Variants in GALNT17 observed in about 807,000 individuals in gnomAD.
GALNT17 encodes UDP-GalNAc:polypeptide N-acetylgalactosaminyltransferase-like 3.
GALNT17 carries 29 observed loss-of-function variants against 63.7 expected under a neutral mutation model. That is an observed-to-expected ratio of 0.46 (90% confidence interval 0.34 to 0.62). The LOEUF is 0.62. GALNT17 is among the 20% of genes least tolerant of loss of function. GALNT17 has a pLI of 0.01. For synonymous variants in GALNT17, 305 were observed against 318.3 expected (o/e 0.96, Z 0.45); for missense variants, 603 against 799.6 (o/e 0.75, Z 2.97).
At chr7:71,447,567 A>G (rs535206323) in intron 5 of GALNT17, among the ~76,000 whole-genome samples, 2 of 152,182 alleles carry the variant, frequency 1.3e-5, no homozygotes, top group Admixed American at 6.5e-5. Context: ...CTTGACCTAC[A>G]CCAGTTCATA....
intron 6 of GALNT17, among the ~76,000 whole-genome samples, chr7:71,596,603 C>T (rs1036756608): frequency 2.6e-5 from 4 of 151,926 alleles, no homozygotes; most frequent in Admixed American, 2.0e-4. Flanking sequence ...TGAAGATGAG[C>T]AGGTTTGTGG....
chr7:71,462,934 C>G (rs1311131093), intron 5 of GALNT17, among the ~76,000 whole-genome samples: 1 of 152,154 alleles, frequency 6.6e-6, no homozygotes, highest in Admixed American at 6.5e-5. Flanking sequence ...TGCTGGATCC[C>G]TATGGCAAGT....
chr7:71,530,333 AACAC>A (rs144905630), intron 5 of GALNT17, among the ~76,000 whole-genome samples: 2 of 151,552 alleles, frequency 1.3e-5, no homozygotes, highest in Non-Finnish European at 2.9e-5. Flanking sequence ...GCAACGCAAC[AACAC>A]ACACACACAC....
chr7:71,536,890 C>T (rs537428454), intron 5 of GALNT17, among the ~76,000 whole-genome samples: 5 of 152,306 alleles, frequency 3.3e-5, no homozygotes, highest in Admixed American at 6.5e-5. Flanking sequence ...TCTGATGCCA[C>T]ATAGTTAACC....
intron 3 of GALNT17, among the ~76,000 whole-genome samples, chr7:71,394,618 T>C (rs1252073344): frequency 3.3e-5 from 5 of 152,152 alleles, no homozygotes; most frequent in African/African-American, 7.2e-5. Context: ...TGTAGCTCCA[T>C]TGGTCCAATG....
At chr7:71,162,171 G>T (rs1479164072) in intron 1 of GALNT17, among the ~76,000 whole-genome samples, 1 of 67,288 alleles carries the variant, frequency 1.5e-5, no homozygotes, top group African/African-American at 7.5e-5. Context: ...CTTCCTTCCT[G>T]TTGCTATGCC....
chr7:71,672,179 G>A (rs956635024), intron 8 of GALNT17, among the ~76,000 whole-genome samples: 5 of 152,102 alleles, frequency 3.3e-5, no homozygotes, highest in Non-Finnish European at 5.9e-5. Context: ...TCAAACAATG[G>A]GCAGTGAATG....
intron 5 of GALNT17, among the ~76,000 whole-genome samples, chr7:71,475,313 A>G (rs1787704637): frequency 6.6e-6 from 1 of 152,194 alleles, no homozygotes; most frequent in Non-Finnish European, 1.5e-5. Flanking sequence ...TGAAAGAATT[A>G]TACAACTCAC....
At chr7:71,214,074 G>T (rs1406798657) in intron 1 of GALNT17, among the ~76,000 whole-genome samples, 1 of 152,166 alleles carries the variant, frequency 6.6e-6, no homozygotes, top group East Asian at 1.9e-4. Flanking sequence ...ATCTGTGGTG[G>T]TATTGCTTCT....
chr7:71,257,270 A>G (rs1342678427), intron 1 of GALNT17, among the ~76,000 whole-genome samples: 1 of 152,168 alleles, frequency 6.6e-6, no homozygotes, highest in Admixed American at 6.5e-5. Context: ...AACTATTATT[A>G]AAAGGAATGA....
chr7:71,413,040 C>T (rs1793458237), intron 3 of GALNT17, among the ~76,000 whole-genome samples: 1 of 152,184 alleles, frequency 6.6e-6, no homozygotes, highest in Non-Finnish European at 1.5e-5. Context: ...AAGCTTCCAT[C>T]TGAAAAGGAA....
At chr7:71,173,037 T>C (rs1397588895) in intron 1 of GALNT17, among the ~76,000 whole-genome samples, 1 of 152,220 alleles carries the variant, frequency 6.6e-6, no homozygotes, top group African/African-American at 2.4e-5. Context: ...CTATCCTGAT[T>C]ATGATTGCTC....
At chr7:71,191,353 ATT>A (rs397736163) in intron 1 of GALNT17, among the ~76,000 whole-genome samples, 3 of 145,286 alleles carry the variant, frequency 2.1e-5, no homozygotes, top group Non-Finnish European at 3.0e-5. Flanking sequence ...TTCACTCAGC[ATT>A]TTTTTTTTTT....
At chr7:71,306,637 G>GT (rs1791303836) in intron 1 of GALNT17, among the ~76,000 whole-genome samples, 1 of 152,100 alleles carries the variant, frequency 6.6e-6, no homozygotes, top group Admixed American at 6.6e-5. Context: ...AATAATTGCT[G>GT]TTTTTGCCAT....
intron 5 of GALNT17, among the ~76,000 whole-genome samples, chr7:71,527,755 GTGTA>G (rs1189119943): frequency 5.9e-5 from 9 of 152,180 alleles, no homozygotes; most frequent in Non-Finnish European, 1.5e-5. Context: ...TGGCACGTGT[GTGTA>G]TGCGCACGCG....
intron 6 of GALNT17, among the ~76,000 whole-genome samples, chr7:71,577,432 C>T (rs186590899): frequency 9.7e-4 from 147 of 152,204 alleles, no homozygotes; most frequent in Middle Eastern, 3.4e-3. Flanking sequence ...CACAAACACA[C>T]GCACACACAC....
intron 6 of GALNT17, among the ~76,000 whole-genome samples, chr7:71,607,744 A>G (rs1382004350): frequency 6.6e-6 from 1 of 152,202 alleles, no homozygotes; most frequent in African/African-American, 2.4e-5. Flanking sequence ...GGAGAAAAAA[A>G]ACCCCACAGA....
intron 5 of GALNT17, among the ~76,000 whole-genome samples, chr7:71,541,706 A>G (rs1788896295): frequency 1.3e-5 from 2 of 152,150 alleles, no homozygotes; most frequent in Non-Finnish European, 2.9e-5. Context: ...CCTTTCCCTG[A>G]TTCCTAACAA....
intron 5 of GALNT17, among the ~76,000 whole-genome samples, chr7:71,544,457 G>A (rs993696358): frequency 3.3e-5 from 5 of 151,918 alleles, no homozygotes; most frequent in African/African-American, 9.7e-5. Flanking sequence ...ATGATTTCAC[G>A]CCTACCCTAA....
Sources: allele counts gnomAD v4.1 joint callset (sites outside exome capture counted in the v4.1 genomes callset), GRCh38; gene constraint gnomAD v4.1.1; transcripts MANE v1.5; gene names NCBI Gene and HGNC (gene_info 2026-07-23, HGNC 2026-07-21).